The following XIRP2 variants were observed in gnomAD, a reference collection of about 807,000 sequenced individuals.
The protein encoded by XIRP2 is xin actin-binding repeat-containing protein 2.
XIRP2 carries 236 observed loss-of-function variants against 277.0 expected under a neutral mutation model. That is an observed-to-expected ratio of 0.85 (90% CI 0.77 to 0.95). XIRP2 has a LOEUF of 0.95. XIRP2 is among the 40% of genes least tolerant of loss of function. XIRP2 has a pLI of 0.00. For missense variants in XIRP2, 4,640 were observed against 4,157.5 expected (o/e 1.12, Z -3.19); for synonymous variants, 1,490 against 1,416.5 (o/e 1.05, Z -1.17).
intron 10 of XIRP2, among the ~76,000 whole-genome samples, chr2:167,255,313 A>G (rs1695626647): frequency 6.6e-6 from 1 of 151,872 alleles, no homozygotes; most frequent in Non-Finnish European, 1.5e-5. Flanking sequence ...TCTCATAAGT[A>G]CAGCAAACTC....
chr2:167,254,270 G>T (rs964470886), intron 10 of XIRP2, 105 bp downstream of exon 10: 7 of 1,276,388 alleles, frequency 5.5e-6, no homozygotes, highest in Non-Finnish European at 7.1e-6. Flanking sequence ...TTGTTGCTGC[G>T]TCAGTTAACA....
At chr2:167,153,484 T>C (rs1692082131) in intron 3 of XIRP2, among the ~76,000 whole-genome samples, 1 of 152,144 alleles carries the variant, frequency 6.6e-6, no homozygotes, top group Non-Finnish European at 1.5e-5. Context: ...TGTATACATG[T>C]GCCGTGCTGC....
intron 5 of XIRP2, among the ~76,000 whole-genome samples, chr2:167,228,270 T>C (rs571449134): frequency 6.6e-6 from 1 of 152,250 alleles, no homozygotes; most frequent in South Asian, 2.1e-4. Context: ...GATCATAAAG[T>C]TTCAGTCACA....
At chr2:167,039,938 A>G (rs1004739591) in intron 2 of XIRP2, among the ~76,000 whole-genome samples, 1 of 152,196 alleles carries the variant, frequency 6.6e-6, no homozygotes, top group Admixed American at 6.5e-5. Flanking sequence ...CAATATACAT[A>G]CATGCTAACT....
At chr2:167,201,562 A>T (rs1387917120) in intron 3 of XIRP2, among the ~76,000 whole-genome samples, 2 of 152,128 alleles carry the variant, frequency 1.3e-5, no homozygotes, top group Non-Finnish European at 2.9e-5. Context: ...TTCTCTGTTC[A>T]ACTGGACCTA....
In XIRP2 at chr2:166,970,554, A is replaced by G. The variant is rs533112335; in HGVS notation, c.408+66664A>G. Among the ~76,000 whole-genome samples, 3 of 152,100 alleles carry G rather than the reference A, an allele frequency of 2.0e-5. No individual in the cohort carries two copies. In the East Asian group the frequency reaches 5.8e-4, roughly 29 times the overall value. ...TCTGATTCTCTTGTCACTTCTTTTC[A>G]AATAATATCATGAACTATTCTCATT... On this transcript the variant is annotated intron_variant, in intron 2 of 10. Transcript: ENST00000409195.
intron 2 of XIRP2, among the ~76,000 whole-genome samples, chr2:167,095,490 C>T (rs1262261620): frequency 2.6e-5 from 4 of 152,156 alleles, no homozygotes; most frequent in African/African-American, 7.2e-5. Flanking sequence ...TACATTTCAT[C>T]AATACCTAGT....
At chr2:166,979,934 G>A (rs76717827) in intron 2 of XIRP2, among the ~76,000 whole-genome samples, 1,899 of 152,214 alleles carry the variant, frequency 0.012, 15 homozygotes, top group Non-Finnish European at 0.021. Context: ...GGAAGAGTTG[G>A]TTTGAATTGA....
intron 2 of XIRP2, among the ~76,000 whole-genome samples, chr2:167,096,659 C>A (rs1001176667): frequency 2.0e-5 from 3 of 152,130 alleles, no homozygotes; most frequent in African/African-American, 7.2e-5. Context: ...AATTTTAGAT[C>A]TTTCCTACTT....
At chr2:167,003,536 T>G (rs1379385873) in intron 2 of XIRP2, among the ~76,000 whole-genome samples, 1 of 151,696 alleles carries the variant, frequency 6.6e-6, no homozygotes, top group Non-Finnish European at 1.5e-5. Context: ...GAGTGCAAAT[T>G]TATGCAAGTG....
At chr2:167,027,262 C>T (rs1688191228) in intron 2 of XIRP2, among the ~76,000 whole-genome samples, 2 of 151,998 alleles carry the variant, frequency 1.3e-5, no homozygotes, top group Admixed American at 1.3e-4. Context: ...TTTCACCTTC[C>T]ATCACTGATA....
chr2:167,219,894 G>A (rs879478501), intron 5 of XIRP2, among the ~76,000 whole-genome samples: 1 of 152,096 alleles, frequency 6.6e-6, no homozygotes, highest in African/African-American at 2.4e-5. Flanking sequence ...CTTGATATTG[G>A]TTAAGACTCT....
intron 9 of XIRP2, 77 bp from the exon 10 acceptor site, chr2:167,253,955 G>A: frequency 6.8e-7 from 1 of 1,473,092 alleles, no homozygotes; most frequent in Non-Finnish European, 9.1e-7. Context: ...CAGTTAATAT[G>A]TGTTTTTGTT....
intron 2 of XIRP2, among the ~76,000 whole-genome samples, chr2:167,117,665 G>C (rs1378878954): frequency 6.6e-6 from 1 of 152,180 alleles, no homozygotes; most frequent in Non-Finnish European, 1.5e-5. Context: ...TTCTACTGTA[G>C]ACTTTCTCAT....
intron 3 of XIRP2, among the ~76,000 whole-genome samples, chr2:167,173,052 C>T (rs1055436210): frequency 5.8e-4 from 89 of 152,340 alleles, no homozygotes; most frequent in African/African-American, 1.8e-3. Flanking sequence ...TGGCTTCAGC[C>T]GGTCCCTCCA....
intron 2 of XIRP2, among the ~76,000 whole-genome samples, chr2:167,066,784 T>C (rs564275979): frequency 1.3e-5 from 2 of 152,244 alleles, no homozygotes; most frequent in South Asian, 4.1e-4. Flanking sequence ...ATACACTTTA[T>C]GGAATATGAT....
intron 2 of XIRP2, among the ~76,000 whole-genome samples, chr2:166,917,190 C>G (rs1171843945): frequency 6.6e-6 from 1 of 152,112 alleles, no homozygotes; most frequent in African/African-American, 2.4e-5. Flanking sequence ...CGTCTTGCAG[C>G]CTGCAGAGGT....
intron 5 of XIRP2, among the ~76,000 whole-genome samples, chr2:167,233,229 TAGTG>T (rs1403590094): frequency 1.3e-5 from 2 of 151,900 alleles, no homozygotes; most frequent in Non-Finnish European, 2.9e-5. Context: ...TTTGTGAGTG[TAGTG>T]AGGAATAATT....
chr2:166,937,481 G>A (rs1239161557), intron 2 of XIRP2, among the ~76,000 whole-genome samples: 1 of 152,178 alleles, frequency 6.6e-6, no homozygotes, highest in East Asian at 1.9e-4. Context: ...TTGATGTGCT[G>A]CTGGATTTGG....
Sources: gnomAD v4.1 joint callset for allele counts (sites outside exome capture counted in the v4.1 genomes callset) on GRCh38, gnomAD v4.1.1 for gene constraint, MANE v1.5 for transcripts, NCBI Gene and HGNC (gene_info 2026-07-23, HGNC 2026-07-21) for gene names.